The following ZNF106 variants were observed in gnomAD, a reference collection of about 807,000 sequenced individuals.
The protein encoded by ZNF106 is SH3-domain binding protein 3.
In ZNF106, 67 loss-of-function variants were observed where a neutral mutation model predicts 195.1. The ratio of observed to expected loss-of-function variants is 0.34; its 90% CI spans 0.28 to 0.42. The LOEUF (loss-of-function observed/expected upper bound fraction) is 0.42, where lower values mean the gene tolerates loss of function less well. Among genes scored for constraint, ZNF106 ranks in the 10% least tolerant of loss-of-function variants. The pLI, the probability that ZNF106 is intolerant of heterozygous loss-of-function variation, is 1.00. For synonymous variants in ZNF106, 784 were observed against 818.6 expected (o/e 0.96, Z 0.72); for missense variants, 2,118 against 2,304.5 (o/e 0.92, Z 1.66).
Position 42,416,160 on chromosome 15 carries a change from T to G in ZNF106, c.*1144A>C, listed in dbSNP as rs1438401347. ...GGTTTGTGAATTTGGCTGTTCTCAGTGGCCAGGCAGAGTCTCTGCTCCACT... is the reference window on the plus strand; with the variant it reads ...GGTTTGTGAATTTGGCTGTTCTCAGGGGCCAGGCAGAGTCTCTGCTCCACT... On this transcript the variant is annotated 3_prime_UTR_variant, in exon 22 of 22. Coordinates refer to ENST00000564754, the MANE Select transcript of ZNF106 (RefSeq NM_001366845.3). 1 of 152,250 alleles carries G rather than the reference T, an allele frequency of 6.6e-6. No homozygotes were observed. The highest frequency in any genetic ancestry group is 1.5e-5 in the Non-Finnish European group (1 of 68,066). The allele number at this position is 152,250 out of a possible 1,614,324, so 9.4% of individuals were successfully genotyped here. A position where few individuals can be genotyped will look rare whatever the true frequency, so the allele number is the denominator to read the frequency against.
chr15:42,453,827 C>T (rs762054834), intron 4 of ZNF106, among the ~76,000 whole-genome samples: 7 of 152,144 alleles, frequency 4.6e-5, no homozygotes, highest in Non-Finnish European at 1.5e-5. Context: ...AACTCCTGAC[C>T]TCGTGATCCG....
chr15:42,439,669 G>A lies in ZNF106; in HGVS notation c.3908C>T (p.Pro1303Leu), dbSNP rs1429463768. ...AGAAAGACCAGCTGATTGGGAAGAG[G>A]GAGAGTTTTCTCTGTTTCTGGTATT... ...QRNTRNRENS[P>L]SSQSAGLSSI... is the part of the protein sequence containing the mutation. The change falls in exon 11 of 22, where the codon CCC becomes CTC. Residue 1303 changes from proline to leucine, a missense_variant. Transcript: ENST00000564754. The A allele has an allele frequency of 6.2e-7, 1 of 1,613,966 alleles. No individual in the cohort carries two copies. Among genetic ancestry groups the A allele is most frequent in the Admixed American group, 1.7e-5 (1 of 59,972 alleles).
At position 42,489,597 on chromosome 15, in the gene ZNF106, A is replaced by G. The variant is rs573728103; in HGVS notation, c.-33+1383T>C. On this transcript the variant is annotated intron_variant, in intron 1 of 21. Coordinates refer to ENST00000564754, the MANE Select transcript of ZNF106 (RefSeq NM_001366845.3). ...CATGGCGCGGTATTGGCAAATGTGT[A>G]GTAGATACTAAATAAATTCTAGTTG... 8.7e-4 allele frequency among the ~76,000 whole-genome samples: 132 copies of G among 152,352 alleles called. 1 individual carries two copies. Among genetic ancestry groups the G allele is most frequent in the African/African-American group, 3.1e-3 (127 of 41,580 alleles).
At chr15:42,441,001 ATAT>A (rs2055504678) in intron 10 of ZNF106, among the ~76,000 whole-genome samples, 131 of 16,284 alleles carry the variant, frequency 8.0e-3, no homozygotes, top group Non-Finnish European at 0.014. Flanking sequence ...AAAAAAAAAT[ATAT>A]ATATATATAT....
chr15:42,443,194 G>A (rs919924326), intron 9 of ZNF106, among the ~76,000 whole-genome samples: 1 of 152,052 alleles, frequency 6.6e-6, no homozygotes, highest in African/African-American at 2.4e-5. Context: ...AATTTTAAAT[G>A]ACTTATCCAA....
intron 4 of ZNF106, 28 bp from the exon 5 acceptor site, chr15:42,451,982 G>A (rs779349298): frequency 8.2e-6 from 13 of 1,579,808 alleles, no homozygotes; most frequent in Admixed American, 3.6e-5. Context: ...TTTCATTAGC[G>A]ATTTAAAGGA....
intron 8 of ZNF106, among the ~76,000 whole-genome samples, chr15:42,444,574 C>CACCCCTTTCTTGCTG (rs2055694712): frequency 1.1e-5 from 1 of 94,884 alleles, no homozygotes; most frequent in African/African-American, 6.6e-5. Context: ...CTAGGGAGAA[C>CACCCCTTTCTTGCTG]ACCCTTGTGG....
intron 4 of ZNF106, among the ~76,000 whole-genome samples, chr15:42,455,679 C>T (rs1006484146): frequency 5.3e-5 from 8 of 152,130 alleles, no homozygotes; most frequent in African/African-American, 1.4e-4. Context: ...CCGTTCCTCC[C>T]GGCAAAAAAA....
rs183091223 is a variant in ZNF106, at chr15:42,439,487, A to G, written c.4090T>C (p.Leu1364=). Reference sequence around the variant, plus strand: ...CTTCCCCTAGTCTCAGCTGATGTCAAAGTGGATTCTGCCTGTTGTTCAGGC... The same window carrying G: ...CTTCCCCTAGTCTCAGCTGATGTCAGAGTGGATTCTGCCTGTTGTTCAGGC... The part of the protein sequence containing the change: ...DQPEQQAEST[L]TSAETRGSKK... Residue 1364 remains leucine, a synonymous_variant, in exon 11 of 22, where the codon TTG becomes CTG. Coordinates refer to ENST00000564754, the MANE Select transcript of ZNF106 (RefSeq NM_001366845.3). 1 of 1,614,038 alleles carries G rather than the reference A, an allele frequency of 6.2e-7. No individual in the cohort carries two copies. Among genetic ancestry groups the G allele is most frequent in the East Asian group, 2.2e-5 (1 of 44,874 alleles).
In ZNF106 at chr15:42,444,907, C is replaced by T. The variant is rs765996592; in HGVS notation, c.3280G>A (p.Asp1094Asn). 23 of 1,614,068 alleles carry T rather than the reference C, an allele frequency of 1.4e-5. No individual in the cohort carries two copies. The South Asian group carries it at 2.5e-4, about 18-fold the overall frequency. ...EELSKSLQCM[D>N]NNLLQARAAL... ...GCACGGGCTTGCAGAAGATTGTTAT[C>T]CATGCACTGCAATGACTTACTAAGT... The change falls in exon 8 of 22, where the codon GAT becomes AAT. Residue 1094 changes from aspartate (D) to asparagine (N), a missense_variant. By Grantham distance (23) the Asp-to-Asn change is conservative. Transcript: ENST00000564754.
chr15:42,439,841 A>AT (rs2055435173), intron 10 of ZNF106, 28 bp from the exon 11 acceptor site: 1 of 1,492,122 alleles, frequency 6.7e-7, no homozygotes, highest in Non-Finnish European at 8.9e-7. Context: ...AAATTATTGC[A>AT]TCCTTTTTTG....
At chr15:42,441,934 T>C in intron 10 of ZNF106, 139 bp downstream of exon 10, 1 of 608,338 alleles carries the variant, frequency 1.6e-6, no homozygotes. Context: ...CTCCTGTATA[T>C]ATGAAGAGAA....
At chr15:42,436,658 G>A (rs1233170932) in intron 13 of ZNF106, among the ~76,000 whole-genome samples, 1 of 152,142 alleles carries the variant, frequency 6.6e-6, no homozygotes, top group Non-Finnish European at 1.5e-5. Flanking sequence ...ATTCTTTTGA[G>A]AGTAATAAGC....
intron 3 of ZNF106, among the ~76,000 whole-genome samples, chr15:42,464,272 G>A (rs1009683300): frequency 2.7e-5 from 4 of 148,908 alleles, no homozygotes; most frequent in South Asian, 2.1e-4. Flanking sequence ...CCCGGGAGGC[G>A]GAGGTTGCAG....
chr15:42,472,135 T>A lies in ZNF106; in HGVS notation c.54+101A>T, dbSNP rs879099763. The A allele has an allele frequency of 4.4e-6, 5 of 1,127,820 alleles. No homozygotes were observed. In the Admixed American group the frequency reaches 1.5e-4, roughly 34 times the overall value. 69.9% of individuals were successfully genotyped at this position (1,127,820 alleles called of 1,614,324 possible). On this transcript the variant is annotated intron_variant, in intron 2 of 21. Coordinates refer to ENST00000564754, the MANE Select transcript of ZNF106 (RefSeq NM_001366845.3). ...AATAAGACATTGTCAAAGCTTTTCC[T>A]ATTAATAACATATGTCTATTAATAT...
chr15:42,439,070 C>T lies in ZNF106; in HGVS notation c.4507G>A (p.Glu1503Lys). ...CCATCTTTATAGCGAGTGCCAATTT[C>T]ACTGGTAGAGCTAACTTCATCACAC... The part of the protein sequence containing the change: ...SGCDEVSSTS[E>K]IGTRYKDGIP... The change falls in exon 11 of 22, where the codon GAA becomes AAA. Residue 1503 changes from glutamate to lysine, a missense_variant. Coordinates refer to ENST00000564754, the MANE Select transcript of ZNF106 (RefSeq NM_001366845.3). 1 of 1,613,942 alleles carries T rather than the reference C, an allele frequency of 6.2e-7. No homozygotes were observed.
intron 8 of ZNF106, among the ~76,000 whole-genome samples, chr15:42,444,521 C>A (rs2055691497): frequency 6.6e-6 from 1 of 152,174 alleles, no homozygotes; most frequent in Non-Finnish European, 1.5e-5. Flanking sequence ...TTCCTTAAAC[C>A]CTCATATAAA....
intron 1 of ZNF106, among the ~76,000 whole-genome samples, chr15:42,477,481 C>T (rs914144997): frequency 3.9e-5 from 6 of 152,318 alleles, no homozygotes; most frequent in Non-Finnish European, 7.3e-5. Flanking sequence ...CATTTGGCCA[C>T]GTCAGTAGCT....
chr15:42,471,680 G>A (rs1456898745), intron 2 of ZNF106, among the ~76,000 whole-genome samples: 1 of 152,164 alleles, frequency 6.6e-6, no homozygotes, highest in Non-Finnish European at 1.5e-5. Flanking sequence ...GCAGTGAGCT[G>A]AGATTGCGCC....
Sources: gnomAD v4.1 joint callset for allele counts (sites outside exome capture counted in the v4.1 genomes callset) on GRCh38, gnomAD v4.1.1 for gene constraint, MANE v1.5 for transcripts, NCBI Gene and HGNC (gene_info 2026-07-23, HGNC 2026-07-21) for gene names.